Variants in SGCD observed in about 807,000 individuals in gnomAD.
SGCD encodes delta-sarcoglycan.
In SGCD, 18 loss-of-function variants were observed where a neutral mutation model predicts 36.6. The ratio of observed to expected loss-of-function variants is 0.49; its 90% confidence interval spans 0.34 to 0.73. SGCD has a LOEUF of 0.73. SGCD is among the 30% of genes least tolerant of loss of function. The pLI is 0.01. For synonymous variants in SGCD, 133 were observed against 130.6 expected (o/e 1.02, Z -0.12); for missense variants, 387 against 346.7 (o/e 1.12, Z -0.92).
At chr5:156,484,577 A>T (rs147016523) in intron 3 of SGCD, among the ~76,000 whole-genome samples, 19 of 152,320 alleles carry the variant, frequency 1.2e-4, no homozygotes, top group Middle Eastern at 3.4e-3. Context: ...TGCTTGTTAA[A>T]CTGTACATTT....
intron 3 of SGCD, among the ~76,000 whole-genome samples, chr5:156,223,124 T>C (rs1395381892): frequency 6.6e-6 from 1 of 152,084 alleles, no homozygotes; most frequent in Admixed American, 6.6e-5. Context: ...GTGGGTGGTC[T>C]TTTTCCTACC....
intron 1 of SGCD, among the ~76,000 whole-genome samples, chr5:155,960,157 T>C (rs1040966383): frequency 2.6e-5 from 4 of 152,024 alleles, no homozygotes; most frequent in Non-Finnish European, 5.9e-5. Context: ...ATCTTCCTTC[T>C]CCTCTTCATT....
chr5:155,953,939 G>A (rs1257416138), intron 1 of SGCD, among the ~76,000 whole-genome samples: 1 of 152,174 alleles, frequency 6.6e-6, no homozygotes, highest in African/African-American at 2.4e-5. Context: ...GTGTCCCACA[G>A]AGTGTGCTCA....
chr5:156,376,960 A>C (rs1053336245), intron 3 of SGCD, among the ~76,000 whole-genome samples: 1 of 152,168 alleles, frequency 6.6e-6, no homozygotes, highest in Non-Finnish European at 1.5e-5. Context: ...ATGAGAGCCA[A>C]AATTAATCAT....
chr5:156,175,358 G>A (rs1349889310), intron 3 of SGCD, among the ~76,000 whole-genome samples: 1 of 151,820 alleles, frequency 6.6e-6, no homozygotes, highest in East Asian at 1.9e-4. Flanking sequence ...TGAAATAGTG[G>A]AAAAAATTTA....
At chr5:156,613,941 G>T (rs527579204) in intron 6 of SGCD, among the ~76,000 whole-genome samples, 1 of 151,886 alleles carries the variant, frequency 6.6e-6, no homozygotes, top group South Asian at 2.1e-4. Flanking sequence ...GAGGGTACAG[G>T]CTGGCTGGCT....
chr5:155,872,346 C>T (rs1580963035), intron 1 of SGCD, among the ~76,000 whole-genome samples: 1 of 137,960 alleles, frequency 7.2e-6, no homozygotes, highest in East Asian at 2.1e-4. Flanking sequence ...GTTGTCTTCT[C>T]TTCAGCACAC....
At chr5:156,749,607 T>C (rs1459969026) in intron 7 of SGCD, among the ~76,000 whole-genome samples, 1 of 152,136 alleles carries the variant, frequency 6.6e-6, no homozygotes, top group Non-Finnish European at 1.5e-5. Context: ...TTTAAAAATC[T>C]TCTTTATCAG....
intron 4 of SGCD, among the ~76,000 whole-genome samples, chr5:156,554,682 A>G (rs776485692): frequency 6.7e-6 from 1 of 150,312 alleles, no homozygotes; most frequent in South Asian, 2.1e-4. Context: ...ATTCAGTACT[A>G]TGGGTGGTTT....
At chr5:155,871,559 C>T (rs1290140950) in intron 1 of SGCD, among the ~76,000 whole-genome samples, 2 of 151,990 alleles carry the variant, frequency 1.3e-5, no homozygotes, top group African/African-American at 2.4e-5. Context: ...GGACTGTAGG[C>T]CAGTGCTAGG....
chr5:156,231,390 G>T (rs962658950), intron 3 of SGCD, among the ~76,000 whole-genome samples: 8 of 152,070 alleles, frequency 5.3e-5, no homozygotes, highest in Admixed American at 3.9e-4. Flanking sequence ...CAAAAAATTA[G>T]CCGGGCATGG....
At chr5:155,828,433 G>A in the SGCD span, among the ~76,000 whole-genome samples, 7 of 152,080 alleles carry the variant, frequency 4.6e-5, no homozygotes, top group African/African-American at 1.7e-4. Flanking sequence ...TAAACTGCTT[G>A]ACCTGTAAAT....
At chr5:156,370,354 C>T (rs1358776171) in intron 3 of SGCD, among the ~76,000 whole-genome samples, 1 of 152,152 alleles carries the variant, frequency 6.6e-6, no homozygotes, top group Non-Finnish European at 1.5e-5. Flanking sequence ...GTATACCAAA[C>T]ACAGTTAAGA....
In SGCD at chr5:156,762,029, C is replaced by T. The variant is rs1040420205; in HGVS notation, c.*2639C>T. ...TATGCATTATAAGTTTCTCAATGTA[C>T]ATCTTTTTATCCCAACACCCTCAAA... On this transcript the variant is annotated 3_prime_UTR_variant, in exon 9 of 9. Transcript: ENST00000337851. The T allele has an allele frequency of 6.6e-6, 1 of 152,500 alleles. No individual in the cohort carries two copies. Among genetic ancestry groups the T allele is most frequent in the Admixed American group, 6.6e-5 (1 of 15,260 alleles). 9.4% of individuals were successfully genotyped at this position (152,500 alleles called of 1,614,324 possible).
rs188440997 is a variant in SGCD at position 156,752,419 on chromosome 5, G to A, written c.576-5162G>A. 1.9e-3 allele frequency among the ~76,000 whole-genome samples: 295 copies of A among 152,176 alleles called. 1 individual carries two copies. The highest frequency in any genetic ancestry group is 6.9e-3 in the African/African-American group (287 of 41,510). ...TTCTTTTTTTCCCCCCCAAGATGGA[G>A]TCTTGCTCTGTCTCCCAGGCTAGAG... On this transcript the variant is annotated intron_variant, in intron 7 of 8. Coordinates refer to ENST00000337851, the MANE Select transcript of SGCD (RefSeq NM_000337.6).
chr5:156,144,978 A>T (rs961504767), intron 3 of SGCD, among the ~76,000 whole-genome samples: 2 of 152,194 alleles, frequency 1.3e-5, no homozygotes, highest in African/African-American at 4.8e-5. Context: ...GGAGGGCATG[A>T]TTGTATTTTG....
At chr5:156,487,453 G>GTT (rs1561728239) in intron 3 of SGCD, among the ~76,000 whole-genome samples, 1 of 152,110 alleles carries the variant, frequency 6.6e-6, no homozygotes, top group Non-Finnish European at 1.5e-5. Context: ...TAAAAAGCAA[G>GTT]AAAACCTGAC....
At chr5:156,383,629 G>A (rs556991467) in intron 3 of SGCD, among the ~76,000 whole-genome samples, 1 of 152,120 alleles carries the variant, frequency 6.6e-6, no homozygotes, top group Non-Finnish European at 1.5e-5. Context: ...TAGCAGCCTT[G>A]TTTTCTTGCT....
intron 3 of SGCD, among the ~76,000 whole-genome samples, chr5:156,399,837 T>C (rs569852791): frequency 6.6e-6 from 1 of 152,178 alleles, no homozygotes; most frequent in African/African-American, 2.4e-5. Context: ...ATATCTAACG[T>C]CGTATTTCTG....
Sources: gnomAD v4.1 joint callset for allele counts (sites outside exome capture counted in the v4.1 genomes callset) on GRCh38, gnomAD v4.1.1 for gene constraint, MANE v1.5 for transcripts, NCBI Gene and HGNC (gene_info 2026-07-23, HGNC 2026-07-21) for gene names.